Variants in AKAP13 observed in about 807,000 individuals in gnomAD.
The protein encoded by AKAP13 is A-kinase anchoring protein 13, also known as A-kinase anchor protein 13.
A neutral mutation model predicts 264.5 loss-of-function variants in AKAP13; 80 were observed. The ratio of observed to expected loss-of-function variants is 0.30; its 90% CI spans 0.25 to 0.36. The LOEUF is 0.36. Among genes scored for constraint, AKAP13 ranks in the 10% least tolerant of loss-of-function variants. The probability of loss-of-function intolerance (pLI) is 1.00; values close to 1 mark genes in which losing one functional copy is unlikely to be tolerated. For missense variants in AKAP13, 3,712 were observed against 3,435.2 expected, an observed-to-expected ratio of 1.08 and a Z score of -2.01; for synonymous variants, 1,380 against 1,250.2, an observed-to-expected ratio of 1.10 and a Z score of -2.19.
intron 8 of AKAP13, among the ~76,000 whole-genome samples, chr15:85,597,773 G>A (rs2079883300): frequency 6.6e-6 from 1 of 151,886 alleles, no homozygotes; most frequent in Non-Finnish European, 1.5e-5. Flanking sequence ...TTTATTTTTG[G>A]GTGTGCTTGT....
At chr15:85,397,017 T>A (rs9944208) in intron 1 of AKAP13, among the ~76,000 whole-genome samples, 5,312 of 143,200 alleles carry the variant, frequency 0.037, 199 homozygotes, top group African/African-American at 0.087. Flanking sequence ...GTTCCCCCCA[T>A]TGAATTTGGT....
intron 29 of AKAP13, among the ~76,000 whole-genome samples, chr15:85,730,142 A>G (rs954897228): frequency 2.0e-5 from 3 of 152,198 alleles, no homozygotes; most frequent in African/African-American, 7.2e-5. Flanking sequence ...CAATGCTGGA[A>G]AAAACAACCT....
intron 33 of AKAP13, among the ~76,000 whole-genome samples, chr15:85,739,107 G>A (rs1010915386): frequency 6.6e-5 from 10 of 152,042 alleles, no homozygotes; most frequent in Admixed American, 3.3e-4. Context: ...ATAGTTAACC[G>A]TTTTTCTACG....
intron 16 of AKAP13, among the ~76,000 whole-genome samples, chr15:85,689,470 A>G (rs2085144712): frequency 6.6e-6 from 1 of 152,200 alleles, no homozygotes. Context: ...ATAGTGTCCT[A>G]GTGCAGTTGT....
intron 33 of AKAP13, among the ~76,000 whole-genome samples, chr15:85,737,143 C>A (rs554925494): frequency 6.6e-6 from 1 of 152,260 alleles, no homozygotes; most frequent in Admixed American, 6.5e-5. Flanking sequence ...TGATCTTGAA[C>A]TCCTGACCTC....
chr15:85,643,725 A>C (rs974525702), intron 9 of AKAP13, among the ~76,000 whole-genome samples: 1 of 152,196 alleles, frequency 6.6e-6, no homozygotes, highest in Non-Finnish European at 1.5e-5. Flanking sequence ...GAAGCTCTGT[A>C]GCTCACACTC....
chr15:85,487,065 T>C (rs1382704730), intron 2 of AKAP13, among the ~76,000 whole-genome samples: 2 of 152,188 alleles, frequency 1.3e-5, no homozygotes, highest in East Asian at 3.9e-4. Flanking sequence ...ATTGCTTATA[T>C]ATAGAAATAC....
Position 85,746,449 on chromosome 15 carries a change from G to T in AKAP13, c.*1772G>T, listed in dbSNP as rs966123764. The T allele has an allele frequency of 6.6e-6, 1 of 152,060 alleles. No individual in the cohort carries two copies. The highest frequency in any genetic ancestry group is 2.4e-5 in the African/African-American group (1 of 41,378). 9.4% of individuals were successfully genotyped at this position (152,060 alleles called of 1,614,324 possible). A position where few individuals can be genotyped will look rare whatever the true frequency, so the allele number is the denominator to read the frequency against. Reference sequence around the variant, plus strand: ...AGGCCCAGATGAAATTTTAAAGGGAGGGGGTCCATGTCCTTCCCTCCCCCA... The same window carrying T: ...AGGCCCAGATGAAATTTTAAAGGGATGGGGTCCATGTCCTTCCCTCCCCCA... On this transcript the variant is annotated 3_prime_UTR_variant, in exon 37 of 37. Coordinates refer to ENST00000394518, the MANE Select transcript of AKAP13 (RefSeq NM_007200.5).
Position 85,400,858 on chromosome 15 carries a change from G to A in AKAP13, c.-12+20060G>A, listed in dbSNP as rs78762858. Reference sequence around the variant, plus strand: ...ATTTAGTAGCCATATATATATATATGTATATATATATATATATTTTTTTTT... The same window carrying A: ...ATTTAGTAGCCATATATATATATATATATATATATATATATATTTTTTTTT... On this transcript the variant is annotated intron_variant, in intron 1 of 36. Coordinates refer to ENST00000394518, the MANE Select transcript of AKAP13 (RefSeq NM_007200.5). 6.1e-3 allele frequency among the ~76,000 whole-genome samples: 660 copies of A among 108,248 alleles called. 2 individuals carry two copies. The highest frequency in any genetic ancestry group is 8.4e-3 in the Non-Finnish European group (441 of 52,722). 71.0% of individuals were successfully genotyped at this position (108,248 alleles called of 152,430 possible). A position where few individuals can be genotyped will look rare whatever the true frequency, so the allele number is the denominator to read the frequency against.
intron 10 of AKAP13, among the ~76,000 whole-genome samples, chr15:85,652,696 G>GT (rs1567176325): frequency 1.3e-5 from 2 of 152,190 alleles, no homozygotes; most frequent in African/African-American, 4.8e-5. Flanking sequence ...CACCGTGTCA[G>GT]TGGGGCTGCT....
chr15:85,528,001 G>C (rs2077135269), intron 3 of AKAP13, among the ~76,000 whole-genome samples: 1 of 152,192 alleles, frequency 6.6e-6, no homozygotes, highest in African/African-American at 2.4e-5. Context: ...TTTTTGGATA[G>C]CTGATGAAAC....
chr15:85,413,687 C>T (rs1311414154), intron 1 of AKAP13, among the ~76,000 whole-genome samples: 3 of 152,160 alleles, frequency 2.0e-5, no homozygotes, highest in East Asian at 1.9e-4. Context: ...GTTTCAGCTC[C>T]GGACGGTGAG....
chr15:85,467,565 C>T (rs1300431999), intron 1 of AKAP13, among the ~76,000 whole-genome samples: 2 of 152,106 alleles, frequency 1.3e-5, no homozygotes, highest in African/African-American at 2.4e-5. Flanking sequence ...GATCAGATTA[C>T]CTCTCTGCAG....
chr15:85,619,298 G>C, intron 8 of AKAP13: 1 of 924,894 alleles, frequency 1.1e-6, no homozygotes, highest in Non-Finnish European at 1.3e-6. Context: ...AGGGCAAGCA[G>C]TGACGTTCTT....
chr15:85,496,280 T>C (rs2075870007), intron 2 of AKAP13, among the ~76,000 whole-genome samples: 3 of 152,124 alleles, frequency 2.0e-5, no homozygotes, highest in Admixed American at 6.5e-5. Context: ...GAAAAGCTTA[T>C]CAGAGTGATT....
intron 8 of AKAP13, among the ~76,000 whole-genome samples, chr15:85,635,644 A>T (rs2082039469): frequency 6.6e-6 from 1 of 152,122 alleles, no homozygotes; most frequent in Non-Finnish European, 1.5e-5. Flanking sequence ...AAGTTCCCAT[A>T]AAAGTGTTTC....
intron 2 of AKAP13, among the ~76,000 whole-genome samples, chr15:85,510,043 C>T (rs1259333282): frequency 2.6e-5 from 4 of 152,244 alleles, no homozygotes; most frequent in Admixed American, 2.6e-4. Flanking sequence ...CTGCGTTTTG[C>T]TCAGGCAGTC....
chr15:85,727,355 G>A lies in AKAP13; in HGVS notation c.7005-26G>A, dbSNP rs769709984. On this transcript the variant is annotated intron_variant, in intron 28 of 36. Coordinates refer to ENST00000394518, the MANE Select transcript of AKAP13 (RefSeq NM_007200.5). The surrounding 1 kb of genome is among the most constrained non-coding windows in gnomAD (Gnocchi z 5.3). ...GTAATTGACATCTTAGGAATTTTTTGTTCTGTCTTGTTTGGGTTGTATTAG... is the reference window on the plus strand; with the variant it reads ...GTAATTGACATCTTAGGAATTTTTTATTCTGTCTTGTTTGGGTTGTATTAG... 3.7e-6 allele frequency: 6 copies of A among 1,613,286 alleles called. No homozygotes were observed. Among genetic ancestry groups the A allele is most frequent in the Non-Finnish European group, 5.1e-6 (6 of 1,179,586 alleles).
At chr15:85,522,758 C>A (rs1023211831) in intron 3 of AKAP13, among the ~76,000 whole-genome samples, 1 of 152,094 alleles carries the variant, frequency 6.6e-6, no homozygotes. Context: ...TAATTTGGTC[C>A]GAATCCTCAG....
Sources: allele counts gnomAD v4.1 joint callset (sites outside exome capture counted in the v4.1 genomes callset), GRCh38; gene constraint gnomAD v4.1.1; non-coding constraint Gnocchi (gnomAD v3.1); transcripts MANE v1.5; gene names NCBI Gene and HGNC (gene_info 2026-07-23, HGNC 2026-07-21).